PDE4B: variants seen among roughly 807,000 people sequenced by gnomAD.
PDE4B encodes the protein 3',5'-cyclic-AMP phosphodiesterase 4B.
In PDE4B, 20 loss-of-function variants were observed where a neutral mutation model predicts 82.2. The ratio of observed to expected loss-of-function variants is 0.24; its 90% CI spans 0.17 to 0.35. The LOEUF is 0.35. Among genes scored for constraint, PDE4B ranks in the 10% least tolerant of loss-of-function variants. PDE4B has a pLI of 1.00. For missense variants in PDE4B, 655 were observed against 907.2 expected (o/e 0.72, Z 3.57); for synonymous variants, 320 against 318.9 (o/e 1.00, Z -0.04).
intron 3 of PDE4B, among the ~76,000 whole-genome samples, chr1:66,028,049 C>T (rs764894978): frequency 6.6e-5 from 10 of 152,218 alleles, no homozygotes; most frequent in Non-Finnish European, 1.3e-4. Flanking sequence ...TGTGGGGGCT[C>T]CAACCCCACA....
intron 3 of PDE4B, among the ~76,000 whole-genome samples, chr1:66,031,348 G>C (rs1653765648): frequency 6.6e-6 from 1 of 152,082 alleles, no homozygotes; most frequent in East Asian, 1.9e-4. Flanking sequence ...AAGAAGAAGG[G>C]AGCAGGGAAA....
intron 3 of PDE4B, among the ~76,000 whole-genome samples, chr1:66,174,384 A>C (rs1353530493): frequency 1.3e-5 from 2 of 152,166 alleles, no homozygotes; most frequent in African/African-American, 4.8e-5. Flanking sequence ...ACATTTAGTA[A>C]ATTTAGTAGG....
At chr1:66,125,759 A>T (rs1456659435) in intron 3 of PDE4B, among the ~76,000 whole-genome samples, 1 of 152,150 alleles carries the variant, frequency 6.6e-6, no homozygotes, top group Non-Finnish European at 1.5e-5. Context: ...ATCAGTCAAA[A>T]ATTTGTTGAA....
At chr1:66,186,737 A>G (rs1647229213) in intron 3 of PDE4B, among the ~76,000 whole-genome samples, 2 of 152,184 alleles carry the variant, frequency 1.3e-5, no homozygotes, top group Non-Finnish European at 2.9e-5. Context: ...TTTTGGGCTG[A>G]GACCATGGGG....
intron 3 of PDE4B, among the ~76,000 whole-genome samples, chr1:66,138,644 A>C (rs1284493505): frequency 6.6e-5 from 10 of 152,238 alleles, no homozygotes; most frequent in Non-Finnish European, 8.8e-5. Flanking sequence ...AGGTAGGATT[A>C]ATACATTTTG....
intron 8 of PDE4B, chr1:66,354,776 G>T: frequency 6.5e-7 from 1 of 1,530,520 alleles, no homozygotes; most frequent in East Asian, 2.5e-5. Flanking sequence ...TGATCCTTTC[G>T]GGATTGCTCT....
At chr1:66,189,621 G>A (rs987364305) in intron 3 of PDE4B, among the ~76,000 whole-genome samples, 13 of 151,974 alleles carry the variant, frequency 8.6e-5, no homozygotes, top group African/African-American at 2.7e-4. Flanking sequence ...CCAGTTGATC[G>A]AATAGGCTAT....
intron 3 of PDE4B, among the ~76,000 whole-genome samples, chr1:66,159,951 A>G (rs1425204301): frequency 2.0e-5 from 3 of 152,230 alleles, no homozygotes; most frequent in Admixed American, 2.0e-4. Flanking sequence ...AATCTGGAAT[A>G]GCCTCCTCCC....
Position 66,334,427 on chromosome 1 carries a change from T to C in PDE4B, c.747+1807T>C, listed in dbSNP as rs12567692. 5.8e-3 allele frequency among the ~76,000 whole-genome samples: 879 copies of C among 152,320 alleles called. 15 individuals are homozygous for C. The highest frequency in any genetic ancestry group is 0.032 in the Admixed American group (484 of 15,302). On this transcript the variant is annotated intron_variant, in intron 8 of 16. Transcript: ENST00000341517. ...TTATTAAAAATAATCTTATTCAGCA[T>C]AGTAGTTAGTAAGGCTCTGAGACCA...
intron 8 of PDE4B, among the ~76,000 whole-genome samples, chr1:66,344,487 G>A (rs1328561600): frequency 6.6e-6 from 1 of 152,074 alleles, no homozygotes; most frequent in Non-Finnish European, 1.5e-5. Flanking sequence ...CATATTTAAA[G>A]TATTAAGATA....
intron 3 of PDE4B, among the ~76,000 whole-genome samples, chr1:66,077,695 A>T (rs917329496): frequency 2.0e-5 from 3 of 152,114 alleles, no homozygotes; most frequent in African/African-American, 7.2e-5. Context: ...GGTACTTCTG[A>T]GAGATATTAA....
chr1:66,223,138 C>G (rs6665931), intron 3 of PDE4B, among the ~76,000 whole-genome samples: 74,905 of 151,882 alleles, frequency 0.49, 19,421 homozygotes, highest in South Asian at 0.63. Flanking sequence ...TTCTTTCTTT[C>G]CTGAAACACA....
At position 66,347,998 on chromosome 1, in the gene PDE4B, C is replaced by T. The variant is rs181553616; in HGVS notation, c.748-7529C>T. Among the ~76,000 whole-genome samples the T allele has an allele frequency of 3.2e-3, 486 of 152,208 alleles. 1 individual carries two copies. Among genetic ancestry groups the T allele is most frequent in the Non-Finnish European group, 5.6e-3 (378 of 67,978 alleles). ...CTACTTTCATGTCAGATATGAAGGT[C>T]CTAAAACATAGGTGTTATTTTTCAC... On this transcript the variant is annotated intron_variant, in intron 8 of 16. Coordinates refer to ENST00000341517, the MANE Select transcript of PDE4B (RefSeq NM_002600.4).
chr1:65,957,363 A>T (rs1649314233), intron 3 of PDE4B, among the ~76,000 whole-genome samples: 1 of 151,876 alleles, frequency 6.6e-6, no homozygotes, highest in Admixed American at 6.6e-5. Flanking sequence ...GTAATTTCCA[A>T]TGCCATGTCT....
Position 65,793,240 on chromosome 1 carries a change from C to T in PDE4B, c.-79C>T. On this transcript the variant is annotated 5_prime_UTR_variant, in exon 1 of 17. An upstream open reading frame in the 5' UTR gains an earlier in-frame stop. Coordinates refer to ENST00000341517, the MANE Select transcript of PDE4B (RefSeq NM_002600.4). ...AGGAGGAGGGCGGCTTCTGCGAGGGCAGCCTGAGGTAAGGGCTGCCTAGGA... is the reference window on the plus strand; with the variant it reads ...AGGAGGAGGGCGGCTTCTGCGAGGGTAGCCTGAGGTAAGGGCTGCCTAGGA... 6.6e-6 allele frequency: 1 copy of T among 152,552 alleles called. No individual in the cohort carries two copies. The highest frequency in any genetic ancestry group is 1.5e-5 in the Non-Finnish European group (1 of 68,262). The allele number at this position is 152,552 out of a possible 1,614,324, so 9.4% of individuals were successfully genotyped here. A position where few individuals can be genotyped will look rare whatever the true frequency, so the allele number is the denominator to read the frequency against.
At chr1:66,241,121 G>A (rs17128638) in intron 3 of PDE4B, among the ~76,000 whole-genome samples, 2 of 152,240 alleles carry the variant, frequency 1.3e-5, no homozygotes, top group South Asian at 2.1e-4. Flanking sequence ...ATCAGAGTTC[G>A]TCTTCCTAGT....
chr1:65,868,672 G>A (rs1646539175), intron 1 of PDE4B, among the ~76,000 whole-genome samples: 2 of 152,194 alleles, frequency 1.3e-5, no homozygotes, highest in Admixed American at 1.3e-4. Flanking sequence ...CCCCCAGGCT[G>A]CAGACCAGTA....
chr1:65,955,519 ACTCACAC>A (rs1649212534), intron 3 of PDE4B, among the ~76,000 whole-genome samples: 1 of 152,156 alleles, frequency 6.6e-6, no homozygotes, highest in South Asian at 2.1e-4. Flanking sequence ...GCACACTGAC[ACTCACAC>A]AAGTGAAAAA....
intron 3 of PDE4B, among the ~76,000 whole-genome samples, chr1:66,124,445 C>T (rs1448179715): frequency 7.9e-5 from 12 of 152,178 alleles, no homozygotes; most frequent in Admixed American, 3.9e-4. Context: ...GCTCCTATTT[C>T]GGCAACATCC....
Sources: allele counts gnomAD v4.1 joint callset (sites outside exome capture counted in the v4.1 genomes callset), GRCh38; gene constraint gnomAD v4.1.1; transcripts MANE v1.5; gene names NCBI Gene and HGNC (gene_info 2026-07-23, HGNC 2026-07-21).